KCND2: variants seen among roughly 807,000 people sequenced by gnomAD.
The protein encoded by KCND2 is potassium voltage-gated channel subfamily D member 2, also known as A-type voltage-gated potassium channel KCND2.
In KCND2, 16 loss-of-function variants were observed where a neutral mutation model predicts 54.4. The ratio of observed to expected loss-of-function variants is 0.29; its 90% confidence interval spans 0.20 to 0.45. KCND2 has a LOEUF of 0.45. Ranked by LOEUF, KCND2 falls within the 20% of genes least tolerant of loss-of-function variation. KCND2 has a pLI of 1.00. For missense variants in KCND2, 486 were observed against 824.2 expected, an observed-to-expected ratio of 0.59 and a Z score of 5.02; for synonymous variants, 317 against 310.7, an observed-to-expected ratio of 1.02 and a Z score of -0.21.
At chr7:120,551,890 T>G (rs935372297) in intron 1 of KCND2, among the ~76,000 whole-genome samples, 1 of 152,154 alleles carries the variant, frequency 6.6e-6, no homozygotes, top group Non-Finnish European at 1.5e-5. Flanking sequence ...TCTAGTAGCC[T>G]CTGGAGTTAT....
chr7:120,660,273 T>C (rs1184115462), intron 1 of KCND2, among the ~76,000 whole-genome samples: 3 of 152,228 alleles, frequency 2.0e-5, no homozygotes, highest in Non-Finnish European at 4.4e-5. Context: ...CCAGTGAACA[T>C]CCAGTCTTAT....
At chr7:120,699,236 C>A (rs1048342718) in intron 1 of KCND2, among the ~76,000 whole-genome samples, 4 of 151,308 alleles carry the variant, frequency 2.6e-5, no homozygotes, top group Admixed American at 2.0e-4. Context: ...GAGCCGAGAT[C>A]GCGCCACTGC....
chr7:120,656,936 T>C (rs1348213629), intron 1 of KCND2, among the ~76,000 whole-genome samples: 1 of 152,198 alleles, frequency 6.6e-6, no homozygotes, highest in Non-Finnish European at 1.5e-5. Context: ...CCAAGGGACC[T>C]ATCCAGCTGA....
intron 1 of KCND2, among the ~76,000 whole-genome samples, chr7:120,351,873 C>T (rs1024799752): frequency 2.0e-5 from 3 of 151,146 alleles, no homozygotes; most frequent in South Asian, 2.1e-4. Flanking sequence ...TGCAGTGGCA[C>T]GATCTCAGCT....
intron 1 of KCND2, among the ~76,000 whole-genome samples, chr7:120,703,971 T>TC: frequency 1.3e-5 from 2 of 152,348 alleles, no homozygotes; most frequent in Middle Eastern, 6.8e-3. Context: ...TCTGATGGTT[T>TC]CCCTGGCATC....
chr7:120,385,226 A>T (rs1800971908), intron 1 of KCND2, among the ~76,000 whole-genome samples: 1 of 151,562 alleles, frequency 6.6e-6, no homozygotes, highest in Admixed American at 6.6e-5. Context: ...TCCTGAGCTC[A>T]GGGTGATCTG....
At chr7:120,368,881 T>C (rs1800723803) in intron 1 of KCND2, among the ~76,000 whole-genome samples, 1 of 152,096 alleles carries the variant, frequency 6.6e-6, no homozygotes. Context: ...TAAACCACTG[T>C]GTTTTACTTC....
intron 1 of KCND2, among the ~76,000 whole-genome samples, chr7:120,575,522 G>A (rs1220365724): frequency 6.6e-6 from 1 of 152,100 alleles, no homozygotes; most frequent in African/African-American, 2.4e-5. Context: ...TGACTCAAAT[G>A]TTAATTTCCT....
chr7:120,654,204 G>A (rs561956183), intron 1 of KCND2, among the ~76,000 whole-genome samples: 14 of 152,136 alleles, frequency 9.2e-5, no homozygotes, highest in African/African-American at 2.9e-4. Flanking sequence ...GAATGACTCC[G>A]AGAATGCAGG....
chr7:120,578,843 C>T (rs574147327), intron 1 of KCND2, among the ~76,000 whole-genome samples: 17 of 151,262 alleles, frequency 1.1e-4, no homozygotes, highest in Non-Finnish European at 5.9e-5. Context: ...CCAGCCTGAG[C>T]GACAGGGTGA....
chr7:120,333,723 T>C (rs1474723703), intron 1 of KCND2, among the ~76,000 whole-genome samples: 1 of 152,090 alleles, frequency 6.6e-6, no homozygotes, highest in Non-Finnish European at 1.5e-5. Context: ...ACAGATATTT[T>C]AGCTAGCCAC....
chr7:120,722,480 G>A (rs532786542), intron 1 of KCND2, among the ~76,000 whole-genome samples: 1 of 152,280 alleles, frequency 6.6e-6, no homozygotes, highest in South Asian at 2.1e-4. Flanking sequence ...CCACAATAAA[G>A]AGCCAAGTCT....
At chr7:120,595,460 A>AAATATATATATATATATATGTGTATAT (rs1418247126) in intron 1 of KCND2, among the ~76,000 whole-genome samples, 7 of 112,946 alleles carry the variant, frequency 6.2e-5, no homozygotes. Flanking sequence ...CCAAAAAAAA[A>AAATATATATATATATATATGTGTATAT]ATATATATAT....
chr7:120,597,200 A>T (rs1412363399), intron 1 of KCND2, among the ~76,000 whole-genome samples: 2 of 152,198 alleles, frequency 1.3e-5, no homozygotes, highest in Non-Finnish European at 2.9e-5. Flanking sequence ...TAGACAAAAG[A>T]CACTTGACAG....
chr7:120,599,696 C>CT (rs1792790538), intron 1 of KCND2, among the ~76,000 whole-genome samples: 2 of 151,838 alleles, frequency 1.3e-5, no homozygotes, highest in African/African-American at 2.4e-5. Context: ...GTTCTAATAG[C>CT]TTTTTTGTAG....
At chr7:120,649,756 G>C (rs2116542937) in intron 1 of KCND2, among the ~76,000 whole-genome samples, 1 of 152,292 alleles carries the variant, frequency 6.6e-6, no homozygotes, top group Non-Finnish European at 1.5e-5. Context: ...GCTGGTACCA[G>C]TTGTTCCTTT....
intron 1 of KCND2, among the ~76,000 whole-genome samples, chr7:120,547,055 T>C (rs756986837): frequency 1.3e-5 from 2 of 151,966 alleles, no homozygotes; most frequent in African/African-American, 4.8e-5. Flanking sequence ...TAAGTAATTG[T>C]AAACTATAAA....
At chr7:120,275,799 T>G in intron 1 of KCND2, 52 bp downstream of exon 1, 1 of 1,568,552 alleles carries the variant, frequency 6.4e-7, no homozygotes, top group Non-Finnish European at 8.7e-7. Context: ...GTGAGGCGAT[T>G]GTGGACCCAT....
At chr7:120,454,693 T>G (rs150639926) in intron 1 of KCND2, among the ~76,000 whole-genome samples, 1 of 152,136 alleles carries the variant, frequency 6.6e-6, no homozygotes, top group East Asian at 1.9e-4. Flanking sequence ...CCTCCCTAAC[T>G]CATTCTAGGA....
Sources: gnomAD v4.1 joint callset for allele counts (sites outside exome capture counted in the v4.1 genomes callset) on GRCh38, gnomAD v4.1.1 for gene constraint, MANE v1.5 for transcripts, NCBI Gene and HGNC (gene_info 2026-07-23, HGNC 2026-07-21) for gene names.